The following SORCS1 variants were observed in gnomAD, a reference collection of about 807,000 sequenced individuals.
SORCS1 encodes the protein VPS10 domain-containing receptor SorCS1.
Under a neutral mutation model 146.1 loss-of-function variants are expected in SORCS1, and 60 were observed. The observed-to-expected ratio is 0.41, with a 90% confidence interval of 0.33 to 0.51. The LOEUF (loss-of-function observed/expected upper bound fraction) is 0.51, where lower values mean the gene tolerates loss of function less well. SORCS1 is among the 20% of genes least tolerant of loss of function. The pLI is 0.21. For missense variants in SORCS1, 1,352 were observed against 1,487.6 expected, an observed-to-expected ratio of 0.91 and a Z score of 1.50; for synonymous variants, 637 against 584.0, an observed-to-expected ratio of 1.09 and a Z score of -1.31.
At chr10:106,889,888 TAAAAAAA>T (rs772421907) in intron 2 of SORCS1, among the ~76,000 whole-genome samples, 1 of 71,680 alleles carries the variant, frequency 1.4e-5, no homozygotes, top group African/African-American at 5.2e-5. Flanking sequence ...ACGTCTCAAA[TAAAAAAA>T]AAAAAAAAAA....
intron 1 of SORCS1, among the ~76,000 whole-genome samples, chr10:107,114,733 T>C (rs939155370): frequency 2.0e-5 from 3 of 152,070 alleles, no homozygotes; most frequent in African/African-American, 7.2e-5. Flanking sequence ...CTACTCAACA[T>C]AGTAATGGAA....
chr10:106,672,387 C>A (rs1851674754), intron 15 of SORCS1, among the ~76,000 whole-genome samples: 1 of 152,124 alleles, frequency 6.6e-6, no homozygotes, highest in Non-Finnish European at 1.5e-5. Flanking sequence ...ACCAGAAGTA[C>A]CTTGCAAGGA....
intron 2 of SORCS1, among the ~76,000 whole-genome samples, chr10:106,942,950 C>A (rs1346282504): frequency 6.6e-6 from 1 of 152,154 alleles, no homozygotes; most frequent in East Asian, 1.9e-4. Context: ...CTCCTTTCTA[C>A]AAAATCACGT....
intron 2 of SORCS1, among the ~76,000 whole-genome samples, chr10:106,841,114 A>G (rs992097773): frequency 6.6e-6 from 1 of 151,868 alleles, no homozygotes; most frequent in African/African-American, 2.4e-5. Context: ...TCGGCCTCCA[A>G]AAGTGTTGGG....
the SORCS1 span, among the ~76,000 whole-genome samples, chr10:107,174,429 C>T: frequency 1.2e-4 from 18 of 152,152 alleles, no homozygotes; most frequent in African/African-American, 4.1e-4. Context: ...AGGATGGTCT[C>T]GATCTCCTGA....
intron 14 of SORCS1, among the ~76,000 whole-genome samples, chr10:106,674,496 C>G (rs963381043): frequency 6.7e-6 from 1 of 148,344 alleles, no homozygotes; most frequent in Non-Finnish European, 1.5e-5. Flanking sequence ...GGAACTCTCA[C>G]AGTTTCATAC....
intron 2 of SORCS1, among the ~76,000 whole-genome samples, chr10:106,868,965 G>A (rs1950314440): frequency 1.3e-5 from 2 of 152,074 alleles, no homozygotes; most frequent in Non-Finnish European, 1.5e-5. Flanking sequence ...AAGATGAAAG[G>A]AGAGAAGATC....
At chr10:106,826,018 A>C (rs750702240) in intron 3 of SORCS1, among the ~76,000 whole-genome samples, 1 of 152,198 alleles carries the variant, frequency 6.6e-6, no homozygotes, top group Non-Finnish European at 1.5e-5. Flanking sequence ...GCTTGCAGGG[A>C]AACAGTCGAT....
chr10:106,786,600 A>C (rs57932956), intron 3 of SORCS1, among the ~76,000 whole-genome samples: 9,024 of 152,142 alleles, frequency 0.059, 697 homozygotes, highest in African/African-American at 0.18. Flanking sequence ...TTGGTCAAAG[A>C]ATTCTGGGCC....
At chr10:106,585,375 T>C (rs1265267525) in intron 24 of SORCS1, among the ~76,000 whole-genome samples, 2 of 152,218 alleles carry the variant, frequency 1.3e-5, no homozygotes, top group Admixed American at 6.5e-5. Flanking sequence ...AGTCCTGTCT[T>C]TAGGGCATGC....
At chr10:106,811,423 C>T (rs930918878) in intron 3 of SORCS1, among the ~76,000 whole-genome samples, 5 of 152,132 alleles carry the variant, frequency 3.3e-5, no homozygotes, top group Non-Finnish European at 7.3e-5. Context: ...AGTACTTGGT[C>T]TACGTGCAGC....
At chr10:106,976,993 TA>T (rs1956053504) in intron 1 of SORCS1, among the ~76,000 whole-genome samples, 1 of 152,236 alleles carries the variant, frequency 6.6e-6, no homozygotes, top group Admixed American at 6.5e-5. Flanking sequence ...AGTGCTGCAA[TA>T]AACATACATG....
At chr10:107,103,015 G>A (rs773439675) in intron 1 of SORCS1, among the ~76,000 whole-genome samples, 14 of 152,016 alleles carry the variant, frequency 9.2e-5, no homozygotes, top group African/African-American at 1.7e-4. Context: ...TATCTAATTC[G>A]TTCTACCCCC....
intron 1 of SORCS1, among the ~76,000 whole-genome samples, chr10:107,089,238 C>T (rs1464642357): frequency 2.0e-5 from 3 of 152,016 alleles, no homozygotes; most frequent in Non-Finnish European, 4.4e-5. Flanking sequence ...AAAGTTAAAT[C>T]CAATGTTTTC....
chr10:107,135,683 G>A (rs778326054), intron 1 of SORCS1, among the ~76,000 whole-genome samples: 9 of 152,102 alleles, frequency 5.9e-5, no homozygotes, highest in Non-Finnish European at 1.3e-4. Flanking sequence ...AAGCAATTAC[G>A]TCCAAGCATT....
Position 106,892,895 on chromosome 10 carries a change from C to CTTT in SORCS1, c.627-63225_627-63223dup, listed in dbSNP as rs11352487. On this transcript the variant is annotated intron_variant, in intron 2 of 25. Coordinates refer to ENST00000263054, the MANE Select transcript of SORCS1 (RefSeq NM_052918.5). ...AAAAAAAAGAGGCATTTGGAAAGCC[C>CTTT]TTTTTTTTTTTTTTTTGAGATAGAG... 8.3e-3 allele frequency among the ~76,000 whole-genome samples: 1,142 copies of CTTT among 137,174 alleles called. 33 individuals are homozygous for CTTT. In the South Asian group the frequency reaches 0.092, roughly 11 times the overall value. 90.0% of individuals were successfully genotyped at this position (137,174 alleles called of 152,430 possible).
chr10:106,701,289 C>CTA, intron 8 of SORCS1, among the ~76,000 whole-genome samples: 1 of 152,094 alleles, frequency 6.6e-6, no homozygotes, highest in East Asian at 1.9e-4. Flanking sequence ...AGATATATTT[C>CTA]TATATTAAAT....
At position 106,593,128 on chromosome 10, in the gene SORCS1, C is replaced by CA. The variant is rs1211788882; in HGVS notation, c.3265+4222dup. ...TGGGTGACTGGGTGAGACCCCATCT[C>CA]AAAAAAAAAAAAAAAAAGAAACAAA... On this transcript the variant is annotated intron_variant, in intron 24 of 25. Coordinates refer to ENST00000263054, the MANE Select transcript of SORCS1 (RefSeq NM_052918.5). Among the ~76,000 whole-genome samples, 472 of 80,670 alleles carry CA rather than the reference C, an allele frequency of 5.9e-3. 4 individuals are homozygous for CA. Among genetic ancestry groups the CA allele is most frequent in the East Asian group, 0.016 (45 of 2,786 alleles). 52.9% of individuals were successfully genotyped at this position (80,670 alleles called of 152,430 possible). A position where few individuals can be genotyped will look rare whatever the true frequency, so the allele number is the denominator to read the frequency against.
At chr10:106,722,679 G>A (rs1190767761) in intron 6 of SORCS1, among the ~76,000 whole-genome samples, 1 of 152,110 alleles carries the variant, frequency 6.6e-6, no homozygotes, top group Non-Finnish European at 1.5e-5. Context: ...TGTTCCTGCT[G>A]GCACAGATCA....
Sources: allele counts gnomAD v4.1 joint callset (sites outside exome capture counted in the v4.1 genomes callset), GRCh38; gene constraint gnomAD v4.1.1; transcripts MANE v1.5; gene names NCBI Gene and HGNC (gene_info 2026-07-23, HGNC 2026-07-21).